Variants in KLHL25 observed in about 807,000 individuals in gnomAD.
KLHL25 encodes the protein kelch-like protein 25.
KLHL25 carries 41 observed loss-of-function variants against 30.0 expected under a neutral mutation model. The observed-to-expected ratio is 1.37, with a 90% CI of 1.07 to 1.78. KLHL25 has a LOEUF of 1.78. Ranked by LOEUF, KLHL25 falls within the 40% of genes most tolerant of loss-of-function variation. The pLI, the probability that KLHL25 is intolerant of heterozygous loss-of-function variation, is 0.00. For synonymous variants in KLHL25, 399 were observed against 355.3 expected, an observed-to-expected ratio of 1.12 and a Z score of -1.38; for missense variants, 971 against 824.5, an observed-to-expected ratio of 1.18 and a Z score of -2.18.
Position 85,768,718 on chromosome 15 carries a change from G to A in KLHL25, c.1093C>T (p.His365Tyr), listed in dbSNP as rs535914450. Reference sequence around the variant, plus strand: ...GGCGCCGCCTTGGACCATTCCTCATGTACGGTGTCGTACACCCAGACATCC... The same window carrying A: ...GGCGCCGCCTTGGACCATTCCTCATATACGGTGTCGTACACCCAGACATCC... ...SKDVWVYDTV[H>Y]EEWSKAAPML... Residue 365 changes from histidine to tyrosine, a missense_variant, in exon 2 of 3, where the codon CAT (histidine) becomes TAT (tyrosine). Transcript: ENST00000337975. 10 of 1,613,468 alleles carry A rather than the reference G, an allele frequency of 6.2e-6. No individual in the cohort carries two copies. In the African/African-American group the frequency reaches 1.3e-4, roughly 21 times the overall value.
At chr15:85,786,764 T>C (rs1302366346) in intron 1 of KLHL25, among the ~76,000 whole-genome samples, 4 of 152,278 alleles carry the variant, frequency 2.6e-5, no homozygotes, top group Admixed American at 2.6e-4. Context: ...CTGGATATGC[T>C]GGCTGTTTAG....
intron 1 of KLHL25, among the ~76,000 whole-genome samples, chr15:85,779,244 A>C (rs370088085): frequency 6.6e-6 from 1 of 152,084 alleles, no homozygotes; most frequent in East Asian, 1.9e-4. Flanking sequence ...CAAGTGAGAG[A>C]GGCCAAAAGC....
chr15:85,783,694 TAAAAA>T (rs34688793), intron 1 of KLHL25, among the ~76,000 whole-genome samples: 8 of 136,446 alleles, frequency 5.9e-5, no homozygotes, highest in Non-Finnish European at 7.9e-5. Flanking sequence ...TCCACCTCAA[TAAAAA>T]AAAAAAAAAA....
intron 1 of KLHL25, among the ~76,000 whole-genome samples, chr15:85,773,194 C>T (rs1285074811): frequency 6.6e-6 from 1 of 152,252 alleles, no homozygotes; most frequent in Non-Finnish European, 1.5e-5. Context: ...GTGACCTCAA[C>T]ACCCAGGACA....
At chr15:85,784,794 C>T (rs769901541) in intron 1 of KLHL25, among the ~76,000 whole-genome samples, 6 of 152,278 alleles carry the variant, frequency 3.9e-5, no homozygotes, top group Non-Finnish European at 8.8e-5. Context: ...AGTACAGCTG[C>T]ACCTTGATTT....
intron 1 of KLHL25, among the ~76,000 whole-genome samples, chr15:85,780,887 A>G (rs903807019): frequency 1.3e-5 from 2 of 152,188 alleles, no homozygotes; most frequent in African/African-American, 4.8e-5. Flanking sequence ...TTTCCCTTCC[A>G]TCATGCCTGC....
intron 1 of KLHL25, 148 bp from the exon 2 acceptor site, chr15:85,769,968 T>A: frequency 1.5e-6 from 1 of 679,958 alleles, no homozygotes; most frequent in South Asian, 1.9e-5. Context: ...CGCAACCACG[T>A]TGCCAAGGAC....
In KLHL25 at chr15:85,789,829, T is replaced by C. The variant is rs2089804652; in HGVS notation, c.-11+4937A>G. ...TGCTCCCCTGATGCAGTCTTCTGTC[T>C]CCACCAGCCCCTTCGCAGGAGGCCT... is the stretch of plus-strand genomic sequence containing the variant. On this transcript the variant is annotated intron_variant, in intron 1 of 2. Coordinates refer to ENST00000337975, the MANE Select transcript of KLHL25 (RefSeq NM_022480.4). The surrounding 1 kb of genome is among the most constrained non-coding windows in gnomAD (Gnocchi z 4.1). 6.6e-6 allele frequency among the ~76,000 whole-genome samples: 1 copy of C among 152,136 alleles called. No homozygotes were observed. Among genetic ancestry groups the C allele is most frequent in the African/African-American group, 2.4e-5 (1 of 41,416 alleles).
rs150205459 is a variant in KLHL25, at chr15:85,785,879, T to G, written c.-11+8887A>C. Among the ~76,000 whole-genome samples the G allele has an allele frequency of 5.8e-3, 878 of 152,270 alleles. 9 individuals carry two copies. Among genetic ancestry groups the G allele is most frequent in the African/African-American group, 0.019 (792 of 41,554 alleles). The stretch of plus-strand genomic sequence containing the variant: ...GATGCCTGAAAAGAAACCTGGTGAT[T>G]CGACCTCACTCCAACTCAGCGAAAT... On this transcript the variant is annotated intron_variant, in intron 1 of 2. Coordinates refer to ENST00000337975, the MANE Select transcript of KLHL25 (RefSeq NM_022480.4).
chr15:85,773,964 C>A (rs2089693850), intron 1 of KLHL25, among the ~76,000 whole-genome samples: 1 of 152,156 alleles, frequency 6.6e-6, no homozygotes. Flanking sequence ...TCCACCCCTT[C>A]CATCTAGCAA....
At chr15:85,794,469 G>A (rs1055986064) in intron 1 of KLHL25, among the ~76,000 whole-genome samples, 2 of 152,250 alleles carry the variant, frequency 1.3e-5, no homozygotes, top group East Asian at 3.9e-4. Context: ...CCACTCCCTG[G>A]GGAAAGAGTA....
intron 1 of KLHL25, 144 bp from the exon 2 acceptor site, chr15:85,769,964 C>T: frequency 1.4e-6 from 1 of 691,624 alleles, no homozygotes; most frequent in African/African-American, 1.8e-5. Flanking sequence ...CTCCCGCAAC[C>T]ACGTTGCCAA....
chr15:85,774,730 C>T (rs1237222406), intron 1 of KLHL25, among the ~76,000 whole-genome samples: 2 of 152,164 alleles, frequency 1.3e-5, no homozygotes, highest in South Asian at 2.1e-4. Context: ...GATGGGGAAA[C>T]GAGAGAGGCA....
rs2089645473 is a variant in KLHL25, at chr15:85,768,826, G to A, written c.985C>T (p.Pro329Ser). The A allele has an allele frequency of 1.5e-5, 25 of 1,613,242 alleles. No individual in the cohort carries two copies. The highest frequency in any genetic ancestry group is 1.9e-5 in the Non-Finnish European group (23 of 1,180,048). ...EIIPKADLPS[P>S]RKEFSASAIG... ...GCTGAGGCGCTGAACTCCTTCCGGG[G>A]GCTGGGCAGGTCGGCCTTGGGGATG... Residue 329 changes from proline to serine, a missense_variant, in exon 2 of 3, where the codon CCC becomes TCC. Physicochemically the swap from Pro to Ser is moderately conservative, Grantham distance 74 (BLOSUM62 -1). Transcript: ENST00000337975.
intron 1 of KLHL25, among the ~76,000 whole-genome samples, chr15:85,787,780 G>A (rs1329632733): frequency 2.6e-5 from 4 of 152,176 alleles, no homozygotes; most frequent in African/African-American, 9.7e-5. Flanking sequence ...TTCAAATTAT[G>A]TAAACACAAA....
At chr15:85,765,098 G>C (rs992906571) in intron 2 of KLHL25, among the ~76,000 whole-genome samples, 1 of 152,192 alleles carries the variant, frequency 6.6e-6, no homozygotes, top group Non-Finnish European at 1.5e-5. Context: ...TCAGACCAGA[G>C]ATGGTCTCAG....
At chr15:85,794,658 G>A (rs1395578793) in intron 1 of KLHL25, 108 bp downstream of exon 1, 1 of 152,098 alleles carries the variant, frequency 6.6e-6, no homozygotes, top group Non-Finnish European at 1.5e-5. Context: ...CGGGGGCTCC[G>A]AGCGCTTGGT....
In KLHL25 at chr15:85,768,627, C is replaced by G. The variant is rs769624698; in HGVS notation, c.1184G>C (p.Gly395Ala). Reference sequence around the variant, plus strand: ...GAAGACCCCTGCCAGGGATGTGTGTCCCCCCACCACATAGAGGCAGTTCTC... The same window carrying G: ...GAAGACCCCTGCCAGGGATGTGTGTGCCCCCACCACATAGAGGCAGTTCTC... Reference protein sequence around the residue: ...ELENCLYVVGGHTSLAGVFPA... With the variant: ...ELENCLYVVGAHTSLAGVFPA... Residue 395 changes from glycine (G) to alanine (A), a missense_variant, in exon 2 of 3, where the codon GGA (glycine) becomes GCA (alanine). By Grantham distance (60) the Gly-to-Ala change is moderately conservative. Transcript: ENST00000337975. 1.2e-6 allele frequency: 2 copies of G among 1,612,324 alleles called. No individual in the cohort carries two copies. The highest frequency in any genetic ancestry group is 1.7e-6 in the Non-Finnish European group (2 of 1,178,950).
intron 2 of KLHL25, among the ~76,000 whole-genome samples, chr15:85,765,838 A>C (rs986200332): frequency 2.0e-5 from 3 of 151,444 alleles, no homozygotes; most frequent in Non-Finnish European, 4.4e-5. Context: ...CAAAAAAAAA[A>C]AAAAGAAAAA....
Sources: gnomAD v4.1 joint callset for allele counts (sites outside exome capture counted in the v4.1 genomes callset) on GRCh38, gnomAD v4.1.1 for gene constraint, Gnocchi (gnomAD v3.1) non-coding constraint, MANE v1.5 for transcripts, NCBI Gene and HGNC (gene_info 2026-07-23, HGNC 2026-07-21) for gene names.